The following SYNRG variants were observed in gnomAD, a reference collection of about 807,000 sequenced individuals.
SYNRG encodes AP1 gamma subunit binding protein 1.
SYNRG carries 37 observed loss-of-function variants against 130.9 expected under a neutral mutation model. That is an observed-to-expected ratio of 0.28 (90% CI 0.22 to 0.37). The LOEUF (loss-of-function observed/expected upper bound fraction) is 0.37, where lower values mean the gene tolerates loss of function less well. SYNRG is among the 10% of genes least tolerant of loss of function. The pLI is 1.00. For synonymous variants in SYNRG, 539 were observed against 568.1 expected (o/e 0.95, Z 0.73); for missense variants, 1,338 against 1,588.9 (o/e 0.84, Z 2.68).
intron 18 of SYNRG, 96 bp downstream of exon 18, chr17:37,538,228 T>C (rs2057394733): frequency 3.4e-6 from 3 of 885,654 alleles, no homozygotes; most frequent in Non-Finnish European, 5.2e-6. Context: ...TGAAGTCATA[T>C]GTAACTTGAG....
chr17:37,544,377 C>T (rs1440177206), intron 14 of SYNRG, among the ~76,000 whole-genome samples: 2 of 151,508 alleles, frequency 1.3e-5, no homozygotes, highest in Non-Finnish European at 2.9e-5. Context: ...TGCAATGGCG[C>T]GATCTCGGCT....
intron 19 of SYNRG, among the ~76,000 whole-genome samples, chr17:37,524,101 T>TC (rs2055516919): frequency 6.6e-6 from 1 of 152,084 alleles, no homozygotes; most frequent in Admixed American, 6.5e-5. Flanking sequence ...AAGCGAGGGC[T>TC]CTGTGGGCCA....
intron 6 of SYNRG, among the ~76,000 whole-genome samples, chr17:37,583,212 G>C (rs941365395): frequency 7.9e-5 from 12 of 152,036 alleles, no homozygotes; most frequent in Admixed American, 7.9e-4. Context: ...CGCTGGTCTT[G>C]AACTCCTGAC....
chr17:37,527,506 G>A (rs2056083664), intron 19 of SYNRG, among the ~76,000 whole-genome samples: 1 of 152,128 alleles, frequency 6.6e-6, no homozygotes, highest in Non-Finnish European at 1.5e-5. Flanking sequence ...ATAAAGCTTT[G>A]CCAGTACAGT....
intron 8 of SYNRG, among the ~76,000 whole-genome samples, chr17:37,575,639 GA>G (rs1209306156): frequency 6.6e-6 from 1 of 151,744 alleles, no homozygotes; most frequent in Non-Finnish European, 1.5e-5. Flanking sequence ...CCAGGAGTTT[GA>G]GACCAGCCTG....
intron 12 of SYNRG, 34 bp downstream of exon 12, chr17:37,561,437 C>T (rs751240273): frequency 1.3e-6 from 2 of 1,539,442 alleles, no homozygotes; most frequent in Non-Finnish European, 1.8e-6. Flanking sequence ...TGCAATTTAG[C>T]ATTCACAAGT....
At position 37,561,622 on chromosome 17, in the gene SYNRG, T is replaced by C. The variant is rs7208481; in HGVS notation, c.1482-33A>G. 0.01 allele frequency: 15,177 copies of C among 1,483,350 alleles called. 1,278 individuals carry two copies. In the African/African-American group the frequency reaches 0.18, roughly 18 times the overall value. The allele number at this position is 1,483,350 out of a possible 1,614,324, so 91.9% of individuals were successfully genotyped here. A position where few individuals can be genotyped will look rare whatever the true frequency, so the allele number is the denominator to read the frequency against. The stretch of plus-strand genomic sequence containing the variant: ...AAAAAATAAACATATTTTGATGACA[T>C]TGAATCCCTCCTTTATCATCTAAAA... On this transcript the variant is annotated intron_variant, in intron 11 of 21. Transcript: ENST00000612223.
At chr17:37,524,356 T>C (rs2055555431) in intron 19 of SYNRG, among the ~76,000 whole-genome samples, 1 of 152,128 alleles carries the variant, frequency 6.6e-6, no homozygotes, top group Non-Finnish European at 1.5e-5. Flanking sequence ...TTATGTATGA[T>C]GTTCCCTGTT....
chr17:37,592,907 T>C (rs917061848), intron 3 of SYNRG, among the ~76,000 whole-genome samples: 1 of 152,178 alleles, frequency 6.6e-6, no homozygotes, highest in Non-Finnish European at 1.5e-5. Context: ...ATAGGGGAAC[T>C]GGGCAAAGGA....
chr17:37,537,603 C>T (rs1358586770), intron 18 of SYNRG: 1 of 152,112 alleles, frequency 6.6e-6, no homozygotes, highest in Non-Finnish European at 1.5e-5. Flanking sequence ...ACACTCCAAC[C>T]TGGGTGACAG....
intron 13 of SYNRG, among the ~76,000 whole-genome samples, chr17:37,555,655 C>G (rs2059063737): frequency 6.6e-6 from 1 of 152,170 alleles, no homozygotes; most frequent in Non-Finnish European, 1.5e-5. Flanking sequence ...AATCCCAGCA[C>G]TTTGGAAGAC....
chr17:37,548,015 T>G (rs1424916741), intron 14 of SYNRG, among the ~76,000 whole-genome samples: 2 of 152,224 alleles, frequency 1.3e-5, no homozygotes, highest in Non-Finnish European at 2.9e-5. Context: ...AAAAGTAATG[T>G]TACTTTGGAA....
rs543115508 is a variant in SYNRG, at chr17:37,586,453, G to C, written c.337C>G (p.Pro113Ala). ...GMRPPGPQYT[P>A]DMQKQFAEEQ... ...TCGGCAAACTGCTTCTGCATGTCTG[G>C]AGTGTACTGTGGGCCTGGAGGACGC... is the stretch of plus-strand genomic sequence containing the variant. The change falls in exon 4 of 22, where the codon CCA becomes GCA. Residue 113 changes from proline (P) to alanine (A), a missense_variant. Pro to Ala is a conservative substitution (Grantham distance 27). Around this residue, in one of 3 missense-constraint regions of SYNRG, gnomAD observed 184 missense variants for 217.2 expected, o/e 0.85. Transcript: ENST00000612223. 1 of 1,614,168 alleles carries C rather than the reference G, an allele frequency of 6.2e-7. No homozygotes were observed. The highest frequency in any genetic ancestry group is 1.1e-5 in the South Asian group (1 of 91,078).
rs1411569328 is a variant in SYNRG, at chr17:37,572,808, G to C, written c.902-821C>G. ...GTGTCTTAAAAAGGGGGGTACAGTTGGTGAGTTTTTGACAATAACATGGGT... is the reference window on the plus strand; with the variant it reads ...GTGTCTTAAAAAGGGGGGTACAGTTCGTGAGTTTTTGACAATAACATGGGT... On this transcript the variant is annotated intron_variant, in intron 8 of 21. Transcript: ENST00000612223. 2.0e-5 allele frequency among the ~76,000 whole-genome samples: 3 copies of C among 152,166 alleles called. No individual in the cohort carries two copies. In the East Asian group the frequency reaches 5.8e-4, roughly 29 times the overall value.
chr17:37,518,122 A>G lies in SYNRG; in HGVS notation c.*818T>C, dbSNP rs573821645. On this transcript the variant is annotated 3_prime_UTR_variant, in exon 22 of 22. Transcript: ENST00000612223. Reference sequence around the variant, plus strand: ...TGGAAATTTGGAGAGAGGCCACTGCAAAGAGATTTCATTCCACTGCCTTTC... The same window carrying G: ...TGGAAATTTGGAGAGAGGCCACTGCGAAGAGATTTCATTCCACTGCCTTTC... The G allele has an allele frequency of 2.6e-5, 4 of 152,342 alleles. No individual in the cohort carries two copies. Among genetic ancestry groups the G allele is most frequent in the African/African-American group, 9.6e-5 (4 of 41,568 alleles). The allele number at this position is 152,342 out of a possible 1,614,324, so 9.4% of individuals were successfully genotyped here.
chr17:37,602,550 G>A (rs1403935374), intron 1 of SYNRG, among the ~76,000 whole-genome samples: 5 of 152,198 alleles, frequency 3.3e-5, no homozygotes, highest in Non-Finnish European at 7.3e-5. Flanking sequence ...GTCTAATGCT[G>A]TAGAATAGCG....
At position 37,540,536 on chromosome 17, in the gene SYNRG, G is replaced by A; in HGVS notation, c.3210C>T (p.His1070=). 1 of 1,613,426 alleles carries A rather than the reference G, an allele frequency of 6.2e-7. No individual in the cohort carries two copies. Residue 1070 remains histidine (H), a synonymous_variant, in exon 16 of 22, where the codon CAC becomes CAT. Transcript: ENST00000612223. The part of the protein sequence containing the change: ...ATFDLSVQGS[H]KRSLSLGDKE... ...TATCACCAAGGCTCAAACTCCTCTT[G>A]TGTGATCCTGGGAGAAGGGGATAAT...
At chr17:37,578,605 G>C (rs2061042943) in intron 6 of SYNRG, among the ~76,000 whole-genome samples, 1 of 152,162 alleles carries the variant, frequency 6.6e-6, no homozygotes, top group Admixed American at 6.5e-5. Flanking sequence ...CATCAAATGA[G>C]ACAGTCTGGA....
At chr17:37,609,195 C>A (rs1322203491) in intron 1 of SYNRG, 84 bp downstream of exon 1, 3 of 1,324,536 alleles carry the variant, frequency 2.3e-6, no homozygotes, top group African/African-American at 1.6e-5. Flanking sequence ...AGGATCAGGG[C>A]TGGAGAAAAC....
Sources: gnomAD v4.1 joint callset for allele counts (sites outside exome capture counted in the v4.1 genomes callset) on GRCh38, gnomAD v4.1.1 for gene constraint, gnomAD v4.1.1 regional missense constraint, MANE v1.5 for transcripts, NCBI Gene and HGNC (gene_info 2026-07-23, HGNC 2026-07-21) for gene names.